Variants in TLE1 observed in about 807,000 individuals in gnomAD.
TLE1 encodes the protein TLE family member 1, transcriptional corepressor.
In TLE1, 21 loss-of-function variants were observed where a neutral mutation model predicts 89.8. The ratio of observed to expected loss-of-function variants is 0.23; its 90% CI spans 0.17 to 0.34. The LOEUF (loss-of-function observed/expected upper bound fraction) is 0.34, where lower values mean the gene tolerates loss of function less well. Ranked by LOEUF, TLE1 falls within the 10% of genes least tolerant of loss-of-function variation. The pLI is 1.00. For synonymous variants in TLE1, 447 were observed against 407.6 expected (o/e 1.10, Z -1.16); for missense variants, 795 against 1,031.2 (o/e 0.77, Z 3.14).
At chr9:81,622,470 G>A (rs1272821360) in intron 8 of TLE1, among the ~76,000 whole-genome samples, 2 of 152,076 alleles carry the variant, frequency 1.3e-5, no homozygotes, top group African/African-American at 4.8e-5. Flanking sequence ...GTTTAATGAT[G>A]TCAAATGGTA....
chr9:81,633,438 A>AG (rs1491492476), intron 7 of TLE1, 74 bp from the exon 8 acceptor site: 37 of 1,609,798 alleles, frequency 2.3e-5, no homozygotes, highest in Admixed American at 3.3e-5. Flanking sequence ...AATAAAAAAA[A>AG]GGGGGGAATA....
At chr9:81,602,222 G>C (rs1196929749) in intron 14 of TLE1, among the ~76,000 whole-genome samples, 1 of 152,172 alleles carries the variant, frequency 6.6e-6, no homozygotes, top group Non-Finnish European at 1.5e-5. Context: ...CATTGTGTTA[G>C]CACAGGATGT....
chr9:81,652,655 T>C (rs1258455165), intron 5 of TLE1, among the ~76,000 whole-genome samples: 1 of 152,166 alleles, frequency 6.6e-6, no homozygotes, highest in African/African-American at 2.4e-5. Context: ...AATTTTAAAA[T>C]ATGCATTTTA....
chr9:81,687,241 C>G, intron 2 of TLE1, 93 bp downstream of exon 2: 2 of 1,031,260 alleles, frequency 1.9e-6, no homozygotes, highest in Non-Finnish European at 2.9e-6. Flanking sequence ...CGCCTGGACG[C>G]AAGAACTAAG....
intron 7 of TLE1, chr9:81,633,630 AT>A: frequency 1.8e-6 from 1 of 546,106 alleles, no homozygotes; most frequent in Non-Finnish European, 3.2e-6. Context: ...TCTTCAAAAA[AT>A]TAGTCAAGTG....
At position 81,687,401 on chromosome 9, in the gene TLE1, A is replaced by G; in HGVS notation, c.58T>C (p.Phe20Leu). The G allele has an allele frequency of 6.2e-7, 1 of 1,611,474 alleles. No homozygotes were observed. The highest frequency in any genetic ancestry group is 8.5e-7 in the Non-Finnish European group (1 of 1,179,406). The change falls in exon 2 of 20, where the codon TTC becomes CTC. Residue 20 changes from phenylalanine to leucine, a missense_variant. Physicochemically the swap from Phe to Leu is conservative, Grantham distance 22. Coordinates refer to ENST00000376499, the MANE Select transcript of TLE1 (RefSeq NM_005077.5). Reference sequence around the variant, plus strand: ...CGGTCCAGGGACTCCGGGATAGTGAACTTGAAGGGCTGGCCTGCAGCCTGG... The same window carrying G: ...CGGTCCAGGGACTCCGGGATAGTGAGCTTGAAGGGCTGGCCTGCAGCCTGG... ...PHQAAGQPFK[F>L]TIPESLDRIK...
chr9:81,614,217 C>T (rs1299659552), intron 11 of TLE1, among the ~76,000 whole-genome samples: 2 of 152,124 alleles, frequency 1.3e-5, no homozygotes, highest in African/African-American at 4.8e-5. Context: ...CAGAAGACCC[C>T]TTTTCAAGTC....
intron 4 of TLE1, among the ~76,000 whole-genome samples, chr9:81,681,025 C>T (rs1833555654): frequency 6.6e-6 from 1 of 151,880 alleles, no homozygotes; most frequent in Non-Finnish European, 1.5e-5. Context: ...CCCTAACAGT[C>T]CCATCTAAAT....
chr9:81,586,261 C>A (rs566321283), intron 17 of TLE1, among the ~76,000 whole-genome samples: 2 of 152,278 alleles, frequency 1.3e-5, no homozygotes, highest in East Asian at 1.9e-4. Flanking sequence ...TTGTGATCCA[C>A]CCGCCTCGGC....
At chr9:81,640,756 A>T (rs1179496567) in intron 6 of TLE1, among the ~76,000 whole-genome samples, 1 of 152,184 alleles carries the variant, frequency 6.6e-6, no homozygotes, top group Non-Finnish European at 1.5e-5. Context: ...TCAGAGTGTT[A>T]CTGTAATGGT....
intron 4 of TLE1, among the ~76,000 whole-genome samples, chr9:81,673,261 G>A (rs959257942): frequency 1.1e-4 from 13 of 117,346 alleles, no homozygotes; most frequent in African/African-American, 3.3e-4. Context: ...GGACAAGAGC[G>A]AGACTTCATT....
At chr9:81,604,743 G>A (rs745775897) in intron 14 of TLE1, among the ~76,000 whole-genome samples, 1 of 152,082 alleles carries the variant, frequency 6.6e-6, no homozygotes, top group Non-Finnish European at 1.5e-5. Flanking sequence ...TCTTCTGGCT[G>A]TAACACTCAG....
At chr9:81,654,693 A>C (rs1829955333) in intron 4 of TLE1, among the ~76,000 whole-genome samples, 1 of 152,162 alleles carries the variant, frequency 6.6e-6, no homozygotes, top group Non-Finnish European at 1.5e-5. Context: ...TCATTATTGC[A>C]AGTTCATTCA....
At chr9:81,595,368 A>G (rs982492962) in intron 14 of TLE1, among the ~76,000 whole-genome samples, 3 of 152,230 alleles carry the variant, frequency 2.0e-5, no homozygotes, top group African/African-American at 7.2e-5. Context: ...AAGTCTATTC[A>G]TGTCCTACAA....
At chr9:81,593,366 T>TG in intron 14 of TLE1, 92 bp from the exon 15 acceptor site, 1 of 1,419,526 alleles carries the variant, frequency 7.0e-7, no homozygotes, top group Non-Finnish European at 9.3e-7. Context: ...ATGAAAAAGA[T>TG]GAAAAAAAGG....
chr9:81,637,966 T>A (rs1827619766), intron 6 of TLE1, among the ~76,000 whole-genome samples: 1 of 152,204 alleles, frequency 6.6e-6, no homozygotes, highest in Admixed American at 6.5e-5. Flanking sequence ...TTTTGTTTCC[T>A]AGGACAAGAT....
rs1044907325 is a variant in TLE1, at chr9:81,645,484, T to C, written c.372+6730A>G. 1.4e-4 allele frequency among the ~76,000 whole-genome samples: 21 copies of C among 152,100 alleles called. No individual in the cohort carries two copies. In the East Asian group the frequency reaches 1.5e-3, roughly 11 times the overall value. On this transcript the variant is annotated intron_variant, in intron 6 of 19. Coordinates refer to ENST00000376499, the MANE Select transcript of TLE1 (RefSeq NM_005077.5). ...TGCTGGGTCTGGTGGCTCACACTTATAATCCCAGCACTTTGAGAGGCCGAG... is the reference window on the plus strand; with the variant it reads ...TGCTGGGTCTGGTGGCTCACACTTACAATCCCAGCACTTTGAGAGGCCGAG...
intron 11 of TLE1, among the ~76,000 whole-genome samples, chr9:81,615,407 TATC>T (rs1824346826): frequency 6.6e-6 from 1 of 150,486 alleles, no homozygotes; most frequent in Non-Finnish European, 1.5e-5. Flanking sequence ...GGCAAGAACA[TATC>T]CCCCAAGTAA....
At position 81,616,713 on chromosome 9, in the gene TLE1, A is replaced by G; in HGVS notation, c.712-14T>C. 19 of 1,614,106 alleles carry G rather than the reference A, an allele frequency of 1.2e-5. No homozygotes were observed. Among genetic ancestry groups the G allele is most frequent in the Non-Finnish European group, 1.5e-5 (18 of 1,179,978 alleles). On this transcript the variant is annotated splice_polypyrimidine_tract_variant and intron_variant, in intron 9 of 19. Coordinates refer to ENST00000376499, the MANE Select transcript of TLE1 (RefSeq NM_005077.5). ...ACCATCACTGTCCTGGAAAAAAGAA[A>G]CATTAACGCCATTTACTAAAAGCTA...
Sources: gnomAD v4.1 joint callset for allele counts (sites outside exome capture counted in the v4.1 genomes callset) on GRCh38, gnomAD v4.1.1 for gene constraint, MANE v1.5 for transcripts, NCBI Gene and HGNC (gene_info 2026-07-23, HGNC 2026-07-21) for gene names.